Variants in RBFOX1 observed in about 807,000 individuals in gnomAD.
The protein encoded by RBFOX1 is RNA binding fox-1 homolog 1.
In RBFOX1, 8 loss-of-function variants were observed where a neutral mutation model predicts 57.7. The ratio of observed to expected loss-of-function variants is 0.14; its 90% CI spans 0.08 to 0.25. RBFOX1 has a LOEUF of 0.25. RBFOX1 is among the 10% of genes least tolerant of loss of function. The pLI is 1.00. For synonymous variants in RBFOX1, 326 were observed against 222.4 expected, an observed-to-expected ratio of 1.47 and a Z score of -4.15; for missense variants, 611 against 548.5, an observed-to-expected ratio of 1.11 and a Z score of -1.14.
chr16:5,750,366 C>G (rs781638707), intron 3 of RBFOX1, among the ~76,000 whole-genome samples: 1 of 152,218 alleles, frequency 6.6e-6, no homozygotes, highest in African/African-American at 2.4e-5. Context: ...AAACTCCATG[C>G]TGGGAGAACT....
At chr16:5,447,962 G>A (rs551789611) in intron 1 of RBFOX1, among the ~76,000 whole-genome samples, 1 of 152,288 alleles carries the variant, frequency 6.6e-6, no homozygotes, top group East Asian at 1.9e-4. Flanking sequence ...TTGTTGATCA[G>A]CCAATGGAGT....
chr16:6,829,684 C>G (rs543105787), intron 3 of RBFOX1, among the ~76,000 whole-genome samples: 4 of 152,106 alleles, frequency 2.6e-5, no homozygotes, highest in African/African-American at 9.7e-5. Context: ...TCACTACAAC[C>G]TCCGTCTCCT....
intron 3 of RBFOX1, among the ~76,000 whole-genome samples, chr16:5,693,980 C>G (rs1385908837): frequency 6.6e-6 from 1 of 152,156 alleles, no homozygotes; most frequent in Non-Finnish European, 1.5e-5. Context: ...GACATCTTGT[C>G]TATCTTTTGC....
At chr16:6,833,834 G>A (rs192623621) in intron 3 of RBFOX1, among the ~76,000 whole-genome samples, 23 of 152,158 alleles carry the variant, frequency 1.5e-4, no homozygotes, top group African/African-American at 4.1e-4. Flanking sequence ...TAGGAAGAGA[G>A]ATGGAAAGGA....
intron 3 of RBFOX1, among the ~76,000 whole-genome samples, chr16:6,932,836 A>C (rs571207073): frequency 2.0e-5 from 3 of 152,328 alleles, no homozygotes; most frequent in East Asian, 3.9e-4. Flanking sequence ...GCCACTGTAC[A>C]TCTCTAGAAC....
chr16:6,304,675 G>C (rs541151901), intron 1 of RBFOX1, among the ~76,000 whole-genome samples: 1 of 152,102 alleles, frequency 6.6e-6, no homozygotes, highest in Admixed American at 6.5e-5. Flanking sequence ...TTGATGCCAG[G>C]AGTTCAAGAC....
intron 1 of RBFOX1, among the ~76,000 whole-genome samples, chr16:6,255,337 C>A (rs2097653795): frequency 6.6e-6 from 1 of 152,108 alleles, no homozygotes. Context: ...CCCTTTTCTC[C>A]ATGGTCCTGA....
chr16:7,251,732 C>G (rs896356352), intron 4 of RBFOX1, among the ~76,000 whole-genome samples: 6 of 152,094 alleles, frequency 3.9e-5, no homozygotes, highest in African/African-American at 1.4e-4. Context: ...GTCCATTCAT[C>G]TGTCAGTGCA....
At chr16:6,797,018 G>A (rs1483363525) in intron 3 of RBFOX1, among the ~76,000 whole-genome samples, 1 of 152,120 alleles carries the variant, frequency 6.6e-6, no homozygotes, top group Non-Finnish European at 1.5e-5. Flanking sequence ...TAAATGTCAA[G>A]ATTTGGACTG....
chr16:5,864,183 C>G (rs1281241935), intron 3 of RBFOX1, among the ~76,000 whole-genome samples: 1 of 152,188 alleles, frequency 6.6e-6, no homozygotes, highest in Non-Finnish European at 1.5e-5. Context: ...TGTTAGTTTG[C>G]TAAGGATAAT....
intron 4 of RBFOX1, among the ~76,000 whole-genome samples, chr16:7,262,199 G>C (rs2094944357): frequency 6.6e-6 from 1 of 152,080 alleles, no homozygotes; most frequent in Non-Finnish European, 1.5e-5. Context: ...TTTAGGAAAT[G>C]AGTTATTTCT....
At chr16:5,827,227 C>G (rs1179963257) in intron 3 of RBFOX1, among the ~76,000 whole-genome samples, 2 of 151,782 alleles carry the variant, frequency 1.3e-5, no homozygotes, top group Non-Finnish European at 1.5e-5. Context: ...TGGTGAAACC[C>G]CATCTCTACT....
At chr16:7,556,100 A>G in intron 5 of RBFOX1, among the ~76,000 whole-genome samples, 1 of 152,238 alleles carries the variant, frequency 6.6e-6, no homozygotes, top group East Asian at 1.9e-4. Flanking sequence ...TAACCAAGGC[A>G]TTGTGGTAAA....
intron 3 of RBFOX1, among the ~76,000 whole-genome samples, chr16:5,651,170 A>T (rs1241877978): frequency 6.9e-6 from 1 of 145,328 alleles, no homozygotes; most frequent in Non-Finnish European, 1.5e-5. Context: ...CTCCTGCTTC[A>T]GCCTCCTGAG....
chr16:6,828,189 C>G (rs774402430), intron 3 of RBFOX1, among the ~76,000 whole-genome samples: 21 of 152,084 alleles, frequency 1.4e-4, no homozygotes, highest in Non-Finnish European at 2.5e-4. Flanking sequence ...CAGCACTTCC[C>G]TTGCCCGTAG....
intron 4 of RBFOX1, among the ~76,000 whole-genome samples, chr16:5,918,972 C>T (rs987010920): frequency 2.0e-5 from 3 of 152,148 alleles, no homozygotes; most frequent in Non-Finnish European, 4.4e-5. Flanking sequence ...GAACAGTGGA[C>T]ACAAGGAGGC....
intron 3 of RBFOX1, among the ~76,000 whole-genome samples, chr16:6,948,176 A>C (rs1022281925): frequency 3.3e-4 from 50 of 152,166 alleles, no homozygotes; most frequent in African/African-American, 1.1e-3. Flanking sequence ...TCATACCTGT[A>C]ATCCCAGCAC....
chr16:7,171,189 C>G (rs1206535239), intron 4 of RBFOX1, among the ~76,000 whole-genome samples: 3 of 152,220 alleles, frequency 2.0e-5, no homozygotes, highest in Non-Finnish European at 4.4e-5. Flanking sequence ...CTGCACAAAT[C>G]ACAGGCACCC....
At chr16:6,497,270 G>C (rs763446201) in intron 2 of RBFOX1, among the ~76,000 whole-genome samples, 7 of 152,200 alleles carry the variant, frequency 4.6e-5, no homozygotes, top group Non-Finnish European at 8.8e-5. Context: ...TTCCAGACCA[G>C]CTCTTCTCAG....
Sources: allele counts gnomAD v4.1 joint callset (sites outside exome capture counted in the v4.1 genomes callset), GRCh38; gene constraint gnomAD v4.1.1; transcripts MANE v1.5; gene names NCBI Gene and HGNC (gene_info 2026-07-23, HGNC 2026-07-21).